IMPG2: variants seen among roughly 807,000 people sequenced by gnomAD.
The protein encoded by IMPG2 is interphotoreceptor matrix proteoglycan 2.
Under a neutral mutation model 129.2 loss-of-function variants are expected in IMPG2, and 91 were observed. The ratio of observed to expected loss-of-function variants is 0.70; its 90% CI spans 0.59 to 0.84. IMPG2 has a LOEUF of 0.84. IMPG2 is among the 40% of genes least tolerant of loss of function. The pLI is 0.00. For synonymous variants in IMPG2, 510 were observed against 517.7 expected (o/e 0.99, Z 0.20); for missense variants, 1,430 against 1,461.7 (o/e 0.98, Z 0.35).
chr3:101,305,416 T>C (rs74931447), intron 2 of IMPG2, among the ~76,000 whole-genome samples: 262 of 152,276 alleles, frequency 1.7e-3, no homozygotes, highest in African/African-American at 5.9e-3. Context: ...ATACATGTCG[T>C]TATACATTTG....
In IMPG2 at chr3:101,291,464, A is replaced by G. The variant is rs377306021; in HGVS notation, c.533+15T>C. On this transcript the variant is annotated intron_variant, in intron 4 of 18. Coordinates refer to ENST00000193391, the MANE Select transcript of IMPG2 (RefSeq NM_016247.4). ...GTGTTGCCAAACATGAATTTTGGGA[A>G]AAAGAGACACTCACCTGCTTACAGT... 1.4e-5 allele frequency: 22 copies of G among 1,610,922 alleles called. No homozygotes were observed. The African/African-American group carries it at 2.5e-4, about 19-fold the overall frequency.
At chr3:101,245,574 T>C (rs949705499) in intron 12 of IMPG2, among the ~76,000 whole-genome samples, 23 of 152,236 alleles carry the variant, frequency 1.5e-4, no homozygotes, top group Admixed American at 1.3e-3. Context: ...TGTCTGTTAA[T>C]TGATCCCCAC....
chr3:101,274,125 G>A (rs1360713042), intron 6 of IMPG2, among the ~76,000 whole-genome samples: 2 of 151,982 alleles, frequency 1.3e-5, no homozygotes, highest in South Asian at 2.1e-4. Context: ...CCTGGGAGGC[G>A]GAGGTTTTAG....
chr3:101,254,089 C>A (rs766996053), intron 10 of IMPG2, among the ~76,000 whole-genome samples: 1 of 151,962 alleles, frequency 6.6e-6, no homozygotes, highest in Non-Finnish European at 1.5e-5. Flanking sequence ...TCCTATGAAG[C>A]GCTTATTTTT....
intron 8 of IMPG2, among the ~76,000 whole-genome samples, chr3:101,269,232 C>G (rs1338432455): frequency 6.6e-6 from 1 of 151,894 alleles, no homozygotes; most frequent in African/African-American, 2.4e-5. Context: ...CCAAATAAGA[C>G]CTACGTAACT....
intron 11 of IMPG2, 58 bp downstream of exon 11, chr3:101,253,638 C>T: frequency 8.8e-7 from 1 of 1,138,202 alleles, no homozygotes; most frequent in Non-Finnish European, 1.3e-6. Context: ...TAAGCAGGTG[C>T]AGGAAGAAAG....
intron 7 of IMPG2, among the ~76,000 whole-genome samples, chr3:101,270,420 AG>A (rs777749996): frequency 6.6e-6 from 1 of 152,196 alleles, no homozygotes; most frequent in Non-Finnish European, 1.5e-5. Flanking sequence ...GCTGGTCAAA[AG>A]ACCAATTCAT....
At chr3:101,256,833 G>A (rs1272448245) in intron 10 of IMPG2, among the ~76,000 whole-genome samples, 1 of 152,092 alleles carries the variant, frequency 6.6e-6, no homozygotes, top group Non-Finnish European at 1.5e-5. Context: ...AGAAGCAAAT[G>A]CAAAGTAGCA....
intron 2 of IMPG2, among the ~76,000 whole-genome samples, chr3:101,305,655 G>A (rs1707181882): frequency 6.6e-6 from 1 of 151,964 alleles, no homozygotes. Flanking sequence ...AAGAAATATA[G>A]CCTATTAATT....
chr3:101,253,940 A>G (rs536268581), intron 10 of IMPG2, among the ~76,000 whole-genome samples, 159 bp from the exon 11 acceptor site: 40 of 152,282 alleles, frequency 2.6e-4, no homozygotes, highest in Non-Finnish European at 4.6e-4. Flanking sequence ...CTTTATTCAG[A>G]TATTTTATTT....
In IMPG2 at chr3:101,242,978, C is replaced by G. The variant is rs561866547; in HGVS notation, c.2803-71G>C. 240 of 1,265,474 alleles carry G rather than the reference C, an allele frequency of 1.9e-4. No individual in the cohort carries two copies. The East Asian group carries it at 4.8e-3, about 25-fold the overall frequency. The allele number at this position is 1,265,474 out of a possible 1,614,324, so 78.4% of individuals were successfully genotyped here. A position where few individuals can be genotyped will look rare whatever the true frequency, so the allele number is the denominator to read the frequency against. ...TTGTTCAATACATACCCAAACAAAA[C>G]AAAACAAAAACACAGGTAAGACCCT... On this transcript the variant is annotated intron_variant, in intron 13 of 18. Transcript: ENST00000193391.
In IMPG2 at chr3:101,243,942, T is replaced by A; in HGVS notation, c.2389A>T (p.Ile797Leu). The A allele has an allele frequency of 6.2e-7, 1 of 1,614,214 alleles. No individual in the cohort carries two copies. Among genetic ancestry groups the A allele is most frequent in the Non-Finnish European group, 8.5e-7 (1 of 1,180,022 alleles). Reference protein sequence around the residue: ...TSSLEKLSRDILASTPQSADR... With the variant: ...TSSLEKLSRDLLASTPQSADR... ...GCACTCTGTGGTGTACTTGCCAATA[T>A]GTCTCTGGACAATTTCTCTAGGGAA... The change falls in exon 13 of 19, where the codon ATA (isoleucine) becomes TTA (leucine). Residue 797 changes from isoleucine (I) to leucine (L), a missense_variant. Transcript: ENST00000193391.
chr3:101,300,347 G>T (rs181193203), intron 3 of IMPG2, among the ~76,000 whole-genome samples: 3 of 152,252 alleles, frequency 2.0e-5, no homozygotes, highest in African/African-American at 7.2e-5. Flanking sequence ...ATCAGTCCCA[G>T]TGTTGGCTGT....
intron 2 of IMPG2, among the ~76,000 whole-genome samples, chr3:101,305,113 T>C (rs1391252493): frequency 6.6e-6 from 1 of 152,038 alleles, no homozygotes; most frequent in Admixed American, 6.6e-5. Context: ...CTTCAATAGG[T>C]GAAAGGATGA....
At chr3:101,278,821 G>C (rs1706864416) in intron 4 of IMPG2, among the ~76,000 whole-genome samples, 1 of 152,052 alleles carries the variant, frequency 6.6e-6, no homozygotes, top group South Asian at 2.1e-4. Context: ...GAGCACATTT[G>C]CATAAAATTG....
At chr3:101,255,908 C>T (rs919040608) in intron 10 of IMPG2, among the ~76,000 whole-genome samples, 1 of 151,462 alleles carries the variant, frequency 6.6e-6, no homozygotes, top group Non-Finnish European at 1.5e-5. Flanking sequence ...CTGAAGAGAG[C>T]ATTTCTCCAT....
intron 11 of IMPG2, among the ~76,000 whole-genome samples, chr3:101,250,180 T>TAA (rs1373211158): frequency 6.6e-6 from 1 of 152,190 alleles, no homozygotes; most frequent in Non-Finnish European, 1.5e-5. Flanking sequence ...TGCTCCTACA[T>TAA]AACTTAGCAC....
intron 2 of IMPG2, among the ~76,000 whole-genome samples, chr3:101,309,385 A>G (rs1325994719): frequency 1.3e-5 from 2 of 152,194 alleles, no homozygotes; most frequent in East Asian, 3.8e-4. Flanking sequence ...ACAGTTCTGC[A>G]TGGCTGGGGA....
chr3:101,248,424 T>C (rs1285307078), intron 11 of IMPG2, among the ~76,000 whole-genome samples: 1 of 152,188 alleles, frequency 6.6e-6, no homozygotes, highest in Non-Finnish European at 1.5e-5. Flanking sequence ...AATTGCCCAG[T>C]CTCAGGTATG....
Sources: allele counts gnomAD v4.1 joint callset (sites outside exome capture counted in the v4.1 genomes callset), GRCh38; gene constraint gnomAD v4.1.1; transcripts MANE v1.5; gene names NCBI Gene and HGNC (gene_info 2026-07-23, HGNC 2026-07-21).